SYT3: variants seen among roughly 807,000 people sequenced by gnomAD.
The protein encoded by SYT3 is synaptotagmin 3, also known as synaptotagmin-3.
A neutral mutation model predicts 50.6 loss-of-function variants in SYT3; 25 were observed. The ratio of observed to expected loss-of-function variants is 0.49; its 90% CI spans 0.36 to 0.69. The LOEUF (loss-of-function observed/expected upper bound fraction) is 0.69. Among genes scored for constraint, SYT3 ranks in the 30% least tolerant of loss-of-function variants. SYT3 has a pLI of 0.00. For missense variants in SYT3, 589 were observed against 793.6 expected, an observed-to-expected ratio of 0.74 and a Z score of 3.10; for synonymous variants, 323 against 353.9, an observed-to-expected ratio of 0.91 and a Z score of 0.98.
intron 3 of SYT3, among the ~76,000 whole-genome samples, chr19:50,633,281 C>T (rs1357421588): frequency 6.6e-6 from 1 of 152,192 alleles, no homozygotes; most frequent in African/African-American, 2.4e-5. Flanking sequence ...GTGCCCAGCC[C>T]AGTAGTTCTA....
Position 50,632,790 on chromosome 19 carries a change from G to A in SYT3, c.170C>T (p.Ser57Leu), listed in dbSNP as rs1568416291. The A allele has an allele frequency of 2.0e-6, 3 of 1,518,050 alleles. No individual in the cohort carries two copies. The highest frequency in any genetic ancestry group is 2.3e-5 in the East Asian group (1 of 43,798). The allele number at this position is 1,518,050 out of a possible 1,614,324, so 94.0% of individuals were successfully genotyped here. ...PDADISVSLL[S>L]VIVTFCGIVL... is the part of the protein sequence containing the mutation. ...AATGCCACAGAATGTCACGATGACC[G>A]ACAGCAGGCTCACGGAGATGTCTGG... Residue 57 changes from serine (S) to leucine (L), a missense_variant, in exon 4 of 11, where the codon TCG becomes TTG. Physicochemically the swap from Ser to Leu is moderately radical, Grantham distance 145. This residue lies in a region of SYT3 where 316 missense variants were observed against 354.3 expected (regional missense o/e 0.89). Coordinates refer to ENST00000600079, the MANE Select transcript of SYT3 (RefSeq NM_001160329.2). The surrounding 1 kb of genome is among the most constrained non-coding windows in gnomAD (Gnocchi z 4.7).
chr19:50,623,051 A>G (rs1269385809), intron 9 of SYT3, among the ~76,000 whole-genome samples: 1 of 145,066 alleles, frequency 6.9e-6, no homozygotes, highest in Non-Finnish European at 1.5e-5. Flanking sequence ...CTGGGGAGCC[A>G]CGGGAGGGCT....
Position 50,632,427 on chromosome 19 carries a change from C to A in SYT3, c.533G>T (p.Gly178Val), listed in dbSNP as rs1375690668. ...PEAAAAAVAA[G>V]VKPSQTSPEL... ...AGGGGATGTTTGGCTCGGTTTGACC[C>A]CAGCGGCCACTGCTGCTGCTGCAGC... The change falls in exon 4 of 11, where the codon GGG (glycine) becomes GTG (valine). Residue 178 changes from glycine (G) to valine (V), a missense_variant. Physicochemically the swap from Gly to Val is moderately radical, Grantham distance 109. This residue lies in a region of SYT3 where 316 missense variants were observed against 354.3 expected (regional missense o/e 0.89). Coordinates refer to ENST00000600079, the MANE Select transcript of SYT3 (RefSeq NM_001160329.2). The surrounding 1 kb of genome is among the most constrained non-coding windows in gnomAD (Gnocchi z 4.7). 6.2e-7 allele frequency: 1 copy of A among 1,613,426 alleles called. No individual in the cohort carries two copies. The highest frequency in any genetic ancestry group is 1.3e-5 in the African/African-American group (1 of 74,916).
chr19:50,649,614 C>A, the SYT3 span: 2 of 1,268,572 alleles, frequency 1.6e-6, no homozygotes, highest in Non-Finnish European at 2.2e-6. Flanking sequence ...ACTGGCACTC[C>A]AAAGTGAAAG....
chr19:50,657,856 G>C, the SYT3 span: 5 of 1,210,172 alleles, frequency 4.1e-6, no homozygotes, highest in South Asian at 6.7e-5. Context: ...CTGGGATTAA[G>C]AGCGATCCTT....
chr19:50,641,168 A>ATTTTTTTT (rs566141853), upstream of SYT3, among the ~76,000 whole-genome samples: 1 of 60,218 alleles, frequency 1.7e-5, no homozygotes, highest in Non-Finnish European at 2.9e-5. Flanking sequence ...GAGCCCAGGA[A>ATTTTTTTT]TTTTTTTTTT....
At chr19:50,649,740 A>G in the SYT3 span, 1 of 654,344 alleles carries the variant, frequency 1.5e-6, no homozygotes, top group Non-Finnish European at 2.8e-6. Flanking sequence ...ACTCAGAACT[A>G]CATTTCCCAT....
chr19:50,635,859 A>G lies in SYT3; in HGVS notation c.148+1405T>C, dbSNP rs1984480316. 2.0e-5 allele frequency among the ~76,000 whole-genome samples: 3 copies of G among 152,184 alleles called. No homozygotes were observed. The South Asian group carries it at 6.2e-4, about 32-fold the overall frequency. ...GACTCCACTGGGAGAGGATGACTGGAAGCTCACACCTGGTCTGTCCTGGAC... is the reference window on the plus strand; with the variant it reads ...GACTCCACTGGGAGAGGATGACTGGGAGCTCACACCTGGTCTGTCCTGGAC... On this transcript the variant is annotated intron_variant, in intron 3 of 10. Coordinates refer to ENST00000600079, the MANE Select transcript of SYT3 (RefSeq NM_001160329.2).
upstream of SYT3, among the ~76,000 whole-genome samples, chr19:50,643,416 G>A (rs1247810470): frequency 2.7e-5 from 4 of 150,794 alleles, no homozygotes; most frequent in Non-Finnish European, 3.0e-5. Flanking sequence ...AGCCATGATC[G>A]TGCCACTGCA....
At chr19:50,656,826 G>C in the SYT3 span, among the ~76,000 whole-genome samples, 1 of 151,872 alleles carries the variant, frequency 6.6e-6, no homozygotes, top group Non-Finnish European at 1.5e-5. Context: ...GTGGCAGGTG[G>C]CTGGAATCCC....
At position 50,639,003 on chromosome 19, in the gene SYT3, A is replaced by C. The variant is rs1280740848; in HGVS notation, c.-16+22T>G. The C allele has an allele frequency of 6.5e-6, 1 of 152,850 alleles. No homozygotes were observed. Among genetic ancestry groups the C allele is most frequent in the African/African-American group, 2.4e-5 (1 of 41,440 alleles). The allele number at this position is 152,850 out of a possible 1,614,324, so 9.5% of individuals were successfully genotyped here. A position where few individuals can be genotyped will look rare whatever the true frequency, so the allele number is the denominator to read the frequency against. On this transcript the variant is annotated intron_variant, in intron 2 of 10. Coordinates refer to ENST00000600079, the MANE Select transcript of SYT3 (RefSeq NM_001160329.2). This position sits in a 1 kb window ranked among gnomAD's most constrained non-coding sequence, Gnocchi z 4.6. Reference sequence around the variant, plus strand: ...GGTGCTGCAGAAGGCCAGGACTCCAAGACAGGCATGGCCACACTCACCTGC... The same window carrying C: ...GGTGCTGCAGAAGGCCAGGACTCCACGACAGGCATGGCCACACTCACCTGC...
chr19:50,632,526 A>G lies in SYT3; in HGVS notation c.434T>C (p.Leu145Pro). The G allele has an allele frequency of 6.2e-7, 1 of 1,608,350 alleles. No homozygotes were observed. The highest frequency in any genetic ancestry group is 8.5e-7 in the Non-Finnish European group (1 of 1,178,474). The stretch of plus-strand genomic sequence containing the variant: ...ACCCCCCAGGCTGCCTGGCTCCAGC[A>G]GCTCAGCAAAGGGTGGATGGTGGGC... ...HAAHHPPFAELLEPGSLGGSD... is the reference protein window; with the variant it reads ...HAAHHPPFAEPLEPGSLGGSD... Residue 145 changes from leucine to proline, a missense_variant, in exon 4 of 11, where the codon CTG (leucine) becomes CCG (proline). By Grantham distance (98) the Leu-to-Pro change is moderately conservative. Transcript: ENST00000600079. The surrounding 1 kb of genome is among the most constrained non-coding windows in gnomAD (Gnocchi z 4.7).
rs1599816579 is a variant in SYT3, at chr19:50,630,079, G to C, written c.767C>G (p.Pro256Arg). The C allele has an allele frequency of 6.2e-7, 1 of 1,613,750 alleles. No homozygotes were observed. ...GGCTTTTTCCTCGCCTCCAGGCAGG[G>C]GTAAGGGCAGGGCAGGTGGCCGCTC... ...SEERPPALPL[P>R]LPGGEEKAKL... Residue 256 changes from proline (P) to arginine (R), a missense_variant, in exon 5 of 11, where the codon CCC (proline) becomes CGC (arginine). Around this residue, in one of 2 missense-constraint regions of SYT3, gnomAD observed 316 missense variants for 354.3 expected, o/e 0.89. Transcript: ENST00000600079.
Position 50,629,967 on chromosome 19 carries a change from C to T in SYT3, c.879G>A (p.Glu293=). 1 of 1,613,918 alleles carries T rather than the reference C, an allele frequency of 6.2e-7. No individual in the cohort carries two copies. The highest frequency in any genetic ancestry group is 8.5e-7 in the Non-Finnish European group (1 of 1,179,882). Residue 293 remains glutamate, a synonymous_variant, in exon 5 of 11, where the codon GAG becomes GAA. Transcript: ENST00000600079. The part of the protein sequence containing the change: ...RRSGGGPGSG[E]AGTGAPCGRI... Reference sequence around the variant, plus strand: ...GGCCACAGGGTGCCCCTGTGCCTGCCTCTCCAGAGCCTGGGCCCCCACCGC... The same window carrying T: ...GGCCACAGGGTGCCCCTGTGCCTGCTTCTCCAGAGCCTGGGCCCCCACCGC...
intron 3 of SYT3, among the ~76,000 whole-genome samples, chr19:50,636,768 G>T (rs1449128852): frequency 6.6e-6 from 1 of 152,218 alleles, no homozygotes; most frequent in African/African-American, 2.4e-5. Context: ...CTGGACCACA[G>T]TTGGTGCTCA....
At chr19:50,649,316 G>C in the SYT3 span, 1 of 896,596 alleles carries the variant, frequency 1.1e-6, no homozygotes, top group Non-Finnish European at 1.7e-6. Flanking sequence ...CAGTTCCTCT[G>C]TAATTCTACC....
intron 6 of SYT3, among the ~76,000 whole-genome samples, chr19:50,627,388 G>A (rs1008822699): frequency 2.6e-5 from 4 of 152,162 alleles, no homozygotes; most frequent in Non-Finnish European, 4.4e-5. Context: ...GGCTGCCTGG[G>A]GTCCCCAGGC....
the SYT3 span, among the ~76,000 whole-genome samples, chr19:50,648,076 C>G: frequency 6.6e-6 from 1 of 152,086 alleles, no homozygotes; most frequent in East Asian, 1.9e-4. Flanking sequence ...CCAGGTGTTC[C>G]AATCATCTCC....
At chr19:50,649,388 C>T in the SYT3 span, 10 of 1,519,458 alleles carry the variant, frequency 6.6e-6, no homozygotes, top group African/African-American at 1.4e-5. Context: ...GGGTGGGTGG[C>T]CCAGGCAGAG....
Sources: gnomAD v4.1 joint callset for allele counts (sites outside exome capture counted in the v4.1 genomes callset) on GRCh38, gnomAD v4.1.1 for gene constraint, gnomAD v4.1.1 regional missense constraint, Gnocchi (gnomAD v3.1) non-coding constraint, MANE v1.5 for transcripts, NCBI Gene and HGNC (gene_info 2026-07-23, HGNC 2026-07-21) for gene names.